Variants in ASIC2 observed in about 807,000 individuals in gnomAD.
ASIC2 encodes the protein acid sensing ion channel subunit 2.
Under a neutral mutation model 57.3 loss-of-function variants are expected in ASIC2, and 25 were observed. The ratio of observed to expected loss-of-function variants is 0.44; its 90% CI spans 0.32 to 0.61. The LOEUF (loss-of-function observed/expected upper bound fraction) is 0.61, where lower values mean the gene tolerates loss of function less well. Among genes scored for constraint, ASIC2 ranks in the 20% least tolerant of loss-of-function variants. The probability of loss-of-function intolerance (pLI) is 0.06; values close to 1 mark genes in which losing one functional copy is unlikely to be tolerated. For missense variants in ASIC2, 641 were observed against 738.1 expected, an observed-to-expected ratio of 0.87 and a Z score of 1.52; for synonymous variants, 319 against 307.5, an observed-to-expected ratio of 1.04 and a Z score of -0.39.
At chr17:33,917,749 G>A (rs1915613881) in intron 1 of ASIC2, among the ~76,000 whole-genome samples, 1 of 152,126 alleles carries the variant, frequency 6.6e-6, no homozygotes, top group Non-Finnish European at 1.5e-5. Flanking sequence ...CCTCCTCTGT[G>A]TCAGACACTG....
chr17:33,093,362 G>A (rs190920507), intron 2 of ASIC2, among the ~76,000 whole-genome samples: 143 of 152,056 alleles, frequency 9.4e-4, no homozygotes, highest in Middle Eastern at 3.4e-3. Context: ...CTCCTTCAAA[G>A]AGTGTAGGTC....
chr17:33,269,870 T>C (rs1353343470), intron 1 of ASIC2, among the ~76,000 whole-genome samples: 1 of 152,174 alleles, frequency 6.6e-6, no homozygotes, highest in East Asian at 1.9e-4. Context: ...TTGCTTAAAG[T>C]TCAATCACTT....
In ASIC2 at chr17:33,335,915, G is replaced by A. The variant is rs79207413; in HGVS notation, c.556-223848C>T. On this transcript the variant is annotated intron_variant, in intron 1 of 9. Transcript: ENST00000359872. ...CACAAGTGCTAATAGACTCACAGGA[G>A]GGGAAGGGATTAAGCAGCAGAATCT... Among the ~76,000 whole-genome samples the A allele has an allele frequency of 9.9e-5, 15 of 152,198 alleles. No individual in the cohort carries two copies. In the East Asian group the frequency reaches 2.9e-3, roughly 29 times the overall value.
intron 1 of ASIC2, among the ~76,000 whole-genome samples, chr17:33,730,430 T>C (rs1909707275): frequency 6.6e-6 from 1 of 152,210 alleles, no homozygotes; most frequent in African/African-American, 2.4e-5. Flanking sequence ...CTGCACCACT[T>C]TGTCATTTTG....
chr17:33,548,218 G>T (rs1915639897), intron 1 of ASIC2, among the ~76,000 whole-genome samples: 1 of 152,216 alleles, frequency 6.6e-6, no homozygotes, highest in Admixed American at 6.5e-5. Context: ...TCAAGGAAAA[G>T]AGGTGCTTTC....
intron 1 of ASIC2, among the ~76,000 whole-genome samples, chr17:33,711,995 T>C (rs1236143421): frequency 6.6e-6 from 1 of 152,190 alleles, no homozygotes; most frequent in Non-Finnish European, 1.5e-5. Flanking sequence ...AAATGAGGCC[T>C]CCTGACTCAA....
chr17:33,642,911 C>T (rs1906622308), intron 1 of ASIC2, among the ~76,000 whole-genome samples: 2 of 152,196 alleles, frequency 1.3e-5, no homozygotes, highest in Non-Finnish European at 1.5e-5. Flanking sequence ...GGTCACAGGG[C>T]ACTTTGCAGC....
In ASIC2 at chr17:34,092,961, A is replaced by G. The variant is rs112495905; in HGVS notation, c.555+63017T>C. ...ATCAATGGTATCATAAAATATGCATATTTGTCTGAAGCTTGATTTTTTCCC... is the reference window on the plus strand; with the variant it reads ...ATCAATGGTATCATAAAATATGCATGTTTGTCTGAAGCTTGATTTTTTCCC... On this transcript the variant is annotated intron_variant, in intron 1 of 9. Coordinates refer to the ASIC2 transcript ENST00000359872. Among the ~76,000 whole-genome samples the G allele has an allele frequency of 1.2e-3, 189 of 152,214 alleles. 5 individuals are homozygous for G. The highest frequency in any genetic ancestry group is 4.0e-3 in the African/African-American group (167 of 41,536).
chr17:33,047,407 T>G (rs938697633), intron 3 of ASIC2, among the ~76,000 whole-genome samples: 2 of 152,044 alleles, frequency 1.3e-5, no homozygotes, highest in African/African-American at 4.8e-5. Flanking sequence ...AGCACCATCA[T>G]AGCTCACTGT....
intron 1 of ASIC2, among the ~76,000 whole-genome samples, chr17:33,851,264 A>G (rs909929335): frequency 6.6e-6 from 1 of 152,150 alleles, no homozygotes; most frequent in Admixed American, 6.5e-5. Flanking sequence ...GGCCCTAGGC[A>G]GAGGGTCCCT....
At chr17:33,823,600 G>A (rs56409635) in intron 1 of ASIC2, among the ~76,000 whole-genome samples, 43 of 152,138 alleles carry the variant, frequency 2.8e-4, no homozygotes, top group African/African-American at 9.4e-4. Context: ...GATTAGTATC[G>A]GCCACACTTC....
At chr17:33,912,695 T>G (rs1915493576) in intron 1 of ASIC2, among the ~76,000 whole-genome samples, 1 of 148,614 alleles carries the variant, frequency 6.7e-6, no homozygotes, top group Admixed American at 6.8e-5. Flanking sequence ...AATTATAGAC[T>G]AGGGCCGGGT....
intron 1 of ASIC2, among the ~76,000 whole-genome samples, chr17:33,798,973 G>A (rs889776566): frequency 6.6e-6 from 1 of 152,092 alleles, no homozygotes; most frequent in Non-Finnish European, 1.5e-5. Flanking sequence ...AGTCTGTGTG[G>A]GACCCAGCCA....
chr17:33,953,821 G>T (rs540586233), intron 1 of ASIC2, among the ~76,000 whole-genome samples: 1 of 152,166 alleles, frequency 6.6e-6, no homozygotes, highest in Non-Finnish European at 1.5e-5. Flanking sequence ...GACCATGTTG[G>T]TTGGGGTAAA....
intron 1 of ASIC2, among the ~76,000 whole-genome samples, chr17:33,115,656 C>T (rs543118240): frequency 3.0e-4 from 45 of 152,344 alleles, no homozygotes; most frequent in African/African-American, 1.1e-3. Context: ...CTTGGCTTCT[C>T]CAGGCTCTCA....
chr17:33,060,984 A>G (rs1226349752), intron 3 of ASIC2, among the ~76,000 whole-genome samples: 1 of 152,160 alleles, frequency 6.6e-6, no homozygotes. Flanking sequence ...GTGTATAAGA[A>G]TGCTTGTAAT....
intron 1 of ASIC2, among the ~76,000 whole-genome samples, chr17:34,110,755 T>C (rs8082533): frequency 0.027 from 4,083 of 152,272 alleles, 204 homozygotes; most frequent in African/African-American, 0.093. Flanking sequence ...CATCGGTCCC[T>C]GGGTTCAAGG....
At chr17:33,651,164 C>T (rs1040468295) in intron 1 of ASIC2, among the ~76,000 whole-genome samples, 2 of 152,006 alleles carry the variant, frequency 1.3e-5, no homozygotes, top group African/African-American at 4.8e-5. Flanking sequence ...CCTGCTAAAC[C>T]GGTGAGATCT....
intron 1 of ASIC2, among the ~76,000 whole-genome samples, chr17:33,584,280 A>G (rs940484180): frequency 1.3e-5 from 2 of 152,162 alleles, no homozygotes; most frequent in African/African-American, 4.8e-5. Context: ...TGTGTTGTCA[A>G]TGATTACAGT....
Sources: allele counts gnomAD v4.1 joint callset (sites outside exome capture counted in the v4.1 genomes callset), GRCh38; gene constraint gnomAD v4.1.1; transcripts MANE v1.5; gene names NCBI Gene and HGNC (gene_info 2026-07-23, HGNC 2026-07-21).